GTF2A1L: variants seen among roughly 807,000 people sequenced by gnomAD.
GTF2A1L encodes the protein TFIIA-alpha and beta-like factor.
GTF2A1L carries 48 observed loss-of-function variants against 49.7 expected under a neutral mutation model. The ratio of observed to expected loss-of-function variants is 0.97; its 90% CI spans 0.77 to 1.23. GTF2A1L has a LOEUF of 1.23. Among genes scored for constraint, GTF2A1L ranks in the 50% most tolerant of loss-of-function variants. The pLI is 0.00. For synonymous variants in GTF2A1L, 246 were observed against 193.5 expected (o/e 1.27, Z -2.25); for missense variants, 736 against 564.8 (o/e 1.30, Z -3.07).
At chr2:48,660,659 T>C (rs11677688) in intron 6 of GTF2A1L, among the ~76,000 whole-genome samples, 5,222 of 152,098 alleles carry the variant, frequency 0.034, 140 homozygotes, top group Non-Finnish European at 0.051. Context: ...ATTATTATTA[T>C]TGAAACAGAG....
intron 3 of GTF2A1L, among the ~76,000 whole-genome samples, chr2:48,628,477 G>A (rs7605031): frequency 0.85 from 121,158 of 143,040 alleles, 53,915 homozygotes; most frequent in East Asian, 0.99. Flanking sequence ...GGTGATTAGT[G>A]ATGTGGAGCA....
intron 1 of GTF2A1L, among the ~76,000 whole-genome samples, chr2:48,619,986 G>A (rs1343225110): frequency 1.3e-5 from 2 of 152,178 alleles, no homozygotes; most frequent in East Asian, 1.9e-4. Context: ...TTTGATAATG[G>A]TCCAGAATAT....
chr2:48,646,527 A>G lies in GTF2A1L; in HGVS notation c.463A>G (p.Ile155Val), dbSNP rs768713200. 1.2e-6 allele frequency: 2 copies of G among 1,614,058 alleles called. No homozygotes were observed. The highest frequency in any genetic ancestry group is 1.7e-6 in the Non-Finnish European group (2 of 1,180,034). The change falls in exon 6 of 9, where the codon ATT becomes GTT. Residue 155 changes from isoleucine (I) to valine (V), a missense_variant. Physicochemically the swap from Ile to Val is conservative, Grantham distance 29 (BLOSUM62 3). Coordinates refer to ENST00000403751, the MANE Select transcript of GTF2A1L (RefSeq NM_006872.5). Reference protein sequence around the residue: ...SGRAGILQHPIQQVFQQLGQP... With the variant: ...SGRAGILQHPVQQVFQQLGQP... ...AAGAGCAGGTATTCTTCAGCATCCA[A>G]TTCAGCAAGTATTTCAACAGCTTGG... is the stretch of plus-strand genomic sequence containing the variant.
chr2:48,632,132 T>G (rs181133337), intron 3 of GTF2A1L, among the ~76,000 whole-genome samples: 1 of 152,334 alleles, frequency 6.6e-6, no homozygotes, highest in African/African-American at 2.4e-5. Flanking sequence ...GGTACTGCTG[T>G]GAGCGTGGTC....
intron 4 of GTF2A1L, among the ~76,000 whole-genome samples, chr2:48,643,947 C>T (rs755962617): frequency 6.6e-6 from 1 of 152,058 alleles, no homozygotes; most frequent in African/African-American, 2.4e-5. Flanking sequence ...GATCCACCCA[C>T]CATGGCCTCC....
chr2:48,674,723 C>T (rs923524455), intron 8 of GTF2A1L, among the ~76,000 whole-genome samples: 1 of 151,986 alleles, frequency 6.6e-6, no homozygotes, highest in African/African-American at 2.4e-5. Context: ...CTTTGTTTGC[C>T]GCAATGTGGG....
rs577368140 is a variant in GTF2A1L, at chr2:48,620,886, T to A, written c.57T>A (p.Ile19=). The A allele has an allele frequency of 6.2e-7, 1 of 1,602,374 alleles. No individual in the cohort carries two copies. Among genetic ancestry groups the A allele is most frequent in the African/African-American group, 1.3e-5 (1 of 74,558 alleles). The change falls in exon 2 of 9, where the codon ATT becomes ATA. Residue 19 remains isoleucine, a synonymous_variant. Coordinates refer to ENST00000403751, the MANE Select transcript of GTF2A1L (RefSeq NM_006872.5). ...ACAGATCTGTAATTGAAGATGTAAT[T>A]GAAGGAGTTCGGAATCTATTTGCTG... ...KLYRSVIEDV[I]EGVRNLFAEE...
intron 8 of GTF2A1L, among the ~76,000 whole-genome samples, chr2:48,676,374 T>C (rs1679466496): frequency 6.6e-6 from 1 of 151,866 alleles, no homozygotes; most frequent in African/African-American, 2.4e-5. Flanking sequence ...AATGGGATTC[T>C]GGGTCAAAGG....
At chr2:48,659,095 C>CT (rs1365165105) in intron 6 of GTF2A1L, among the ~76,000 whole-genome samples, 2 of 152,068 alleles carry the variant, frequency 1.3e-5, no homozygotes, top group Non-Finnish European at 2.9e-5. Context: ...CATGACTTGA[C>CT]TTTTTTCTCT....
intron 3 of GTF2A1L, among the ~76,000 whole-genome samples, chr2:48,627,134 G>C (rs576429344): frequency 7.0e-6 from 1 of 143,646 alleles, no homozygotes; most frequent in South Asian, 2.4e-4. Flanking sequence ...AATTCAATCT[G>C]TTGTGATATG....
chr2:48,643,212 C>T (rs1440908538), intron 4 of GTF2A1L, among the ~76,000 whole-genome samples: 1 of 151,980 alleles, frequency 6.6e-6, no homozygotes, highest in African/African-American at 2.4e-5. Context: ...TGAAGTATAG[C>T]TTGTTTATAT....
intron 5 of GTF2A1L, 21 bp downstream of exon 5, chr2:48,645,138 TC>T: frequency 1.3e-6 from 2 of 1,576,536 alleles, no homozygotes; most frequent in Non-Finnish European, 1.7e-6. Flanking sequence ...ATTCTAAGAA[TC>T]TTTTTGTTTT....
At chr2:48,619,222 A>G (rs1463240196) in intron 1 of GTF2A1L, among the ~76,000 whole-genome samples, 4 of 152,148 alleles carry the variant, frequency 2.6e-5, no homozygotes, top group Non-Finnish European at 5.9e-5. Flanking sequence ...TAATCCCAGC[A>G]CCTTGGAAGG....
chr2:48,634,554 A>G (rs140135394), intron 3 of GTF2A1L, among the ~76,000 whole-genome samples: 1 of 152,316 alleles, frequency 6.6e-6, no homozygotes, highest in East Asian at 1.9e-4. Context: ...TTCCGTGATT[A>G]GAACTCCCTT....
chr2:48,672,465 T>A (rs1193049801), intron 8 of GTF2A1L, among the ~76,000 whole-genome samples: 5 of 152,188 alleles, frequency 3.3e-5, no homozygotes, highest in Non-Finnish European at 4.4e-5. Flanking sequence ...AAAAGCCAGA[T>A]GTGTTTGATT....
intron 3 of GTF2A1L, among the ~76,000 whole-genome samples, chr2:48,634,705 G>A (rs1676785159): frequency 6.6e-6 from 1 of 152,202 alleles, no homozygotes; most frequent in African/African-American, 2.4e-5. Context: ...TTTTCATTAA[G>A]AATACTGAAA....
intron 3 of GTF2A1L, among the ~76,000 whole-genome samples, chr2:48,640,973 C>G (rs182331497): frequency 6.6e-6 from 1 of 151,980 alleles, no homozygotes; most frequent in Non-Finnish European, 1.5e-5. Context: ...TGCTTTTATT[C>G]CAATGTCTAT....
intron 1 of GTF2A1L, chr2:48,618,227 G>T (rs1483835968): frequency 3.2e-6 from 1 of 307,788 alleles, no homozygotes; most frequent in East Asian, 5.6e-5. Context: ...CTCCAAGTTC[G>T]GTTGTGTTAA....
intron 6 of GTF2A1L, among the ~76,000 whole-genome samples, chr2:48,666,225 A>C (rs900590833): frequency 8.9e-5 from 13 of 146,244 alleles, no homozygotes; most frequent in African/African-American, 3.1e-4. Flanking sequence ...TTTTTTTTTG[A>C]GATGGTGTCT....
Sources: gnomAD v4.1 joint callset for allele counts (sites outside exome capture counted in the v4.1 genomes callset) on GRCh38, gnomAD v4.1.1 for gene constraint, MANE v1.5 for transcripts, NCBI Gene and HGNC (gene_info 2026-07-23, HGNC 2026-07-21) for gene names.